GTF2IRD1: variants seen among roughly 807,000 people sequenced by gnomAD.
The protein encoded by GTF2IRD1 is general transcription factor II-I repeat domain-containing protein 1.
GTF2IRD1 carries 26 observed loss-of-function variants against 113.2 expected under a neutral mutation model. The observed-to-expected ratio is 0.23, with a 90% CI of 0.17 to 0.32. The LOEUF (loss-of-function observed/expected upper bound fraction) is 0.32. Among genes scored for constraint, GTF2IRD1 ranks in the 10% least tolerant of loss-of-function variants. The probability of loss-of-function intolerance (pLI) is 1.00; values close to 1 mark genes in which losing one functional copy is unlikely to be tolerated. For synonymous variants in GTF2IRD1, 484 were observed against 529.1 expected (o/e 0.91, Z 1.17); for missense variants, 864 against 1,280.8 (o/e 0.67, Z 4.97).
At chr7:74,538,242 C>T in intron 12 of GTF2IRD1, 69 bp downstream of exon 12, 1 of 1,495,636 alleles carries the variant, frequency 6.7e-7, no homozygotes, top group Non-Finnish European at 9.3e-7. Context: ...TACCCGGCAG[C>T]CTTGGGGAGG....
At chr7:74,493,444 A>C (rs1795479213) in intron 1 of GTF2IRD1, among the ~76,000 whole-genome samples, 1 of 152,028 alleles carries the variant, frequency 6.6e-6, no homozygotes, top group African/African-American at 2.4e-5. Flanking sequence ...ATGTGATGGC[A>C]TTTAGAGCCT....
rs781992449 is a variant in GTF2IRD1 at position 74,601,036 on chromosome 7, C to T, written c.2630-8C>T. 13 of 1,614,150 alleles carry T rather than the reference C, an allele frequency of 8.1e-6. No individual in the cohort carries two copies. Among genetic ancestry groups the T allele is most frequent in the Non-Finnish European group, 1.0e-5 (12 of 1,179,998 alleles). On this transcript the variant is annotated splice_region_variant and splice_polypyrimidine_tract_variant and intron_variant, in intron 25 of 26. Transcript: ENST00000424337. Reference sequence around the variant, plus strand: ...TCCAGTGTCAACAGCCTTTTCCCCTCCTTCCAGCCAAAGACAGCAGCATTC... The same window carrying T: ...TCCAGTGTCAACAGCCTTTTCCCCTTCTTCCAGCCAAAGACAGCAGCATTC...
At position 74,518,327 on chromosome 7, in the gene GTF2IRD1, G is replaced by A. The variant is rs1797072652; in HGVS notation, c.605+5G>A. 2 of 1,579,112 alleles carry A rather than the reference G, an allele frequency of 1.3e-6. No individual in the cohort carries two copies. Among genetic ancestry groups the A allele is most frequent in the Non-Finnish European group, 8.7e-7 (1 of 1,155,192 alleles). On this transcript the variant is annotated splice_donor_5th_base_variant and intron_variant, in intron 5 of 26. Coordinates refer to ENST00000424337, the MANE Select transcript of GTF2IRD1 (RefSeq NM_005685.4). Reference sequence around the variant, plus strand: ...CATCCGCTTCAAGCTCAAGAGGTGAGTGAGGTAGCCGGCCCGGGGCTGGGC... The same window carrying A: ...CATCCGCTTCAAGCTCAAGAGGTGAATGAGGTAGCCGGCCCGGGGCTGGGC...
At chr7:74,596,624 C>T (rs587694399) in intron 25 of GTF2IRD1, among the ~76,000 whole-genome samples, 49 of 151,940 alleles carry the variant, frequency 3.2e-4, no homozygotes, top group Non-Finnish European at 6.3e-4. Flanking sequence ...GGCTGGGTGA[C>T]AGAGCAAGAC....
chr7:74,530,544 C>T (rs1387109811), intron 9 of GTF2IRD1, among the ~76,000 whole-genome samples: 1 of 122,024 alleles, frequency 8.2e-6, no homozygotes, highest in Non-Finnish European at 1.6e-5. Flanking sequence ...CTATATTGCC[C>T]AGGCCTGCAT....
At chr7:74,549,801 C>T (rs587681801) in intron 17 of GTF2IRD1, among the ~76,000 whole-genome samples, 1 of 152,028 alleles carries the variant, frequency 6.6e-6, no homozygotes, top group Non-Finnish European at 1.5e-5. Context: ...TTTGAAAGGC[C>T]GAGTTAGGCA....
chr7:74,546,759 C>T (rs1562857892), intron 16 of GTF2IRD1, among the ~76,000 whole-genome samples: 3 of 151,918 alleles, frequency 2.0e-5, no homozygotes. Context: ...CCAGTGGACT[C>T]GGGGAAGCAA....
rs374606887 is a variant in GTF2IRD1 at position 74,496,651 on chromosome 7, G to C, written c.-6-11424G>C. Among the ~76,000 whole-genome samples, 8 of 149,890 alleles carry C rather than the reference G, an allele frequency of 5.3e-5. No individual in the cohort carries two copies. The East Asian group carries it at 1.6e-3, about 30-fold the overall frequency. On this transcript the variant is annotated intron_variant, in intron 1 of 26. Transcript: ENST00000424337. ...GGGTGTGCATGTATGTGTGCGTGTGGGTGTGTGTGTGAGTGTGCATGCATG... is the reference window on the plus strand; with the variant it reads ...GGGTGTGCATGTATGTGTGCGTGTGCGTGTGTGTGTGAGTGTGCATGCATG...
At chr7:74,510,520 G>A (rs370370689) in intron 2 of GTF2IRD1, among the ~76,000 whole-genome samples, 1 of 151,282 alleles carries the variant, frequency 6.6e-6, no homozygotes, top group African/African-American at 2.4e-5. Flanking sequence ...TGTTGGCCAG[G>A]CTGGTCTCAA....
chr7:74,550,236 G>A (rs1353311447), intron 17 of GTF2IRD1, among the ~76,000 whole-genome samples: 2 of 149,162 alleles, frequency 1.3e-5, no homozygotes, highest in South Asian at 2.1e-4. Context: ...GTGGTTTAAG[G>A]ATAAACTCAT....
intron 2 of GTF2IRD1, among the ~76,000 whole-genome samples, chr7:74,511,356 C>T (rs1212522802): frequency 6.6e-6 from 1 of 152,170 alleles, no homozygotes; most frequent in Non-Finnish European, 1.5e-5. Context: ...GCTCTGGGTG[C>T]CTTTAGGTGG....
At position 74,571,121 on chromosome 7, in the gene GTF2IRD1, G is replaced by A. The variant is rs1800672780; in HGVS notation, c.2320+11466G>A. 7 of 985,254 alleles carry A rather than the reference G, an allele frequency of 7.1e-6. No individual in the cohort carries two copies. In the African/African-American group the frequency reaches 8.7e-5, roughly 12 times the overall value. 61.0% of individuals were successfully genotyped at this position (985,254 alleles called of 1,614,324 possible). A position where few individuals can be genotyped will look rare whatever the true frequency, so the allele number is the denominator to read the frequency against. ...GCCCCACCTCTCCTTCCCCAGAGCA[G>A]GGGCTCCAGACCCCAGGGATGTGGC... On this transcript the variant is annotated intron_variant, in intron 22 of 26. Transcript: ENST00000424337.
chr7:74,547,024 G>A (rs1471904087), intron 16 of GTF2IRD1, 79 bp from the exon 17 acceptor site: 36 of 1,352,358 alleles, frequency 2.7e-5, no homozygotes, highest in Middle Eastern at 5.3e-4. Flanking sequence ...TTTGCCCCCC[G>A]ACACAGGCAC....
intron 19 of GTF2IRD1, among the ~76,000 whole-genome samples, chr7:74,556,803 T>TTTTTTTTTTTTTTTTTTTTTTG: frequency 6.6e-6 from 1 of 150,742 alleles, no homozygotes; most frequent in South Asian, 2.1e-4. Flanking sequence ...TTTGTATTTT[T>TTTTTTTTTTTTTTTTTTTTTTG]AGTAGAGATA....
chr7:74,535,496 T>A (rs1798240024), intron 10 of GTF2IRD1, among the ~76,000 whole-genome samples: 1 of 152,182 alleles, frequency 6.6e-6, no homozygotes, highest in South Asian at 2.1e-4. Flanking sequence ...ACTCCACTAC[T>A]CTCACGTGCA....
intron 22 of GTF2IRD1, among the ~76,000 whole-genome samples, chr7:74,563,862 G>A (rs1800127806): frequency 6.6e-6 from 1 of 152,014 alleles, no homozygotes; most frequent in Admixed American, 6.6e-5. Flanking sequence ...CTCCAGCCTG[G>A]GTGACAGAGC....
At chr7:74,552,573 TAA>T (rs1799376970) in intron 17 of GTF2IRD1, among the ~76,000 whole-genome samples, 1 of 152,174 alleles carries the variant, frequency 6.6e-6, no homozygotes, top group African/African-American at 2.4e-5. Flanking sequence ...TGGGCCAGCT[TAA>T]AGAGTTTGAA....
At chr7:74,514,193 G>C (rs1462591634) in intron 3 of GTF2IRD1, among the ~76,000 whole-genome samples, 25 of 152,144 alleles carry the variant, frequency 1.6e-4, no homozygotes, top group Non-Finnish European at 1.0e-4. Flanking sequence ...GACACCAGCT[G>C]TTGTTACTAT....
intron 26 of GTF2IRD1, chr7:74,601,723 A>G: frequency 4.5e-6 from 1 of 222,340 alleles, no homozygotes; most frequent in Non-Finnish European, 9.0e-6. Flanking sequence ...CAGAGGTTGC[A>G]ATGAGCCGAG....
Sources: allele counts gnomAD v4.1 joint callset (sites outside exome capture counted in the v4.1 genomes callset), GRCh38; gene constraint gnomAD v4.1.1; transcripts MANE v1.5; gene names NCBI Gene and HGNC (gene_info 2026-07-23, HGNC 2026-07-21).